PTGR3: variants seen among roughly 807,000 people sequenced by gnomAD.
PTGR3 encodes zinc binding alcohol dehydrogenase domain containing 2.
chr18:75,206,293 G>A, the PTGR3 span, among the ~76,000 whole-genome samples: 1 of 152,098 alleles, frequency 6.6e-6, no homozygotes, highest in South Asian at 2.1e-4. Context: ...TGTATTTTGT[G>A]CTAAGATGCA....
chr18:75,208,104 A>G, the PTGR3 span, among the ~76,000 whole-genome samples: 2 of 152,090 alleles, frequency 1.3e-5, no homozygotes, highest in East Asian at 3.9e-4. Context: ...GACGGTGGGG[A>G]GCGCGGGGAA....
the PTGR3 span, chr18:75,208,916 G>C: frequency 6.3e-7 from 1 of 1,579,392 alleles, no homozygotes; most frequent in Non-Finnish European, 8.6e-7. Flanking sequence ...CAGGGTGACG[G>C]CCTCGCGGAA....
At chr18:75,208,502 C>T in the PTGR3 span, 1 of 1,045,884 alleles carries the variant, frequency 9.6e-7, no homozygotes, top group East Asian at 7.4e-5. Context: ...TGCGCGCGGG[C>T]GGCCCGGCGG....
the PTGR3 span, chr18:75,205,480 AAAG>A: frequency 2.0e-6 from 2 of 985,520 alleles, no homozygotes; most frequent in Non-Finnish European, 2.4e-6. Context: ...CCCCAGGAAA[AAAG>A]AATAGGACCG....
chr18:75,204,043 C>T, the PTGR3 span, among the ~76,000 whole-genome samples: 1 of 152,240 alleles, frequency 6.6e-6, no homozygotes, highest in African/African-American at 2.4e-5. Context: ...GTGTTCTGTG[C>T]AATCCTTTGC....
At chr18:75,205,350 G>A in the PTGR3 span, 1 of 984,372 alleles carries the variant, frequency 1.0e-6, no homozygotes, top group Non-Finnish European at 1.2e-6. Flanking sequence ...AAGGATTCGC[G>A]CATTTGGAGA....
At chr18:75,198,452 C>T in the PTGR3 span, 3 of 151,988 alleles carry the variant, frequency 2.0e-5, no homozygotes, top group Non-Finnish European at 2.9e-5. Context: ...CAGATGAAAT[C>T]ATATAATGAC....
At chr18:75,201,289 T>C in the PTGR3 span, 2 of 834,826 alleles carry the variant, frequency 2.4e-6, no homozygotes, top group South Asian at 1.9e-5. Flanking sequence ...GACCTATTCA[T>C]TAACACCTTA....
At chr18:75,198,313 G>A in the PTGR3 span, 1 of 152,176 alleles carries the variant, frequency 6.6e-6, no homozygotes, top group African/African-American at 2.4e-5. Context: ...TGTTCCTCAA[G>A]TACATAATGC....
chr18:75,201,819 A>G, the PTGR3 span: 1 of 1,613,978 alleles, frequency 6.2e-7, no homozygotes, highest in East Asian at 2.2e-5. Flanking sequence ...AGATTCATAG[A>G]CCACATCGAC....
the PTGR3 span, chr18:75,197,972 T>G: frequency 2.0e-5 from 3 of 152,232 alleles, no homozygotes; most frequent in Non-Finnish European, 4.4e-5. Context: ...ATACAGTATT[T>G]ATCCCATATG....
the PTGR3 span, chr18:75,208,716 C>T: frequency 1.0e-6 from 1 of 972,062 alleles, no homozygotes; most frequent in Non-Finnish European, 1.3e-6. Context: ...CGGGATCTCG[C>T]AAACTCAGGC....
the PTGR3 span, among the ~76,000 whole-genome samples, chr18:75,206,785 CA>C: frequency 6.6e-6 from 1 of 152,112 alleles, no homozygotes; most frequent in Non-Finnish European, 1.5e-5. Flanking sequence ...GGCGTGTGTG[CA>C]GGGAAAAAAG....
chr18:75,208,886 G>C, the PTGR3 span: 1 of 1,548,924 alleles, frequency 6.5e-7, no homozygotes, highest in South Asian at 1.2e-5. Context: ...CCCGGGGAGC[G>C]GCACCGGGCA....
the PTGR3 span, among the ~76,000 whole-genome samples, chr18:75,207,760 T>C: frequency 6.6e-6 from 1 of 152,232 alleles, no homozygotes; most frequent in Non-Finnish European, 1.5e-5. Flanking sequence ...AATTAAATGC[T>C]GCATCAAGCT....
At chr18:75,204,958 G>C in the PTGR3 span, among the ~76,000 whole-genome samples, 1 of 152,132 alleles carries the variant, frequency 6.6e-6, no homozygotes. Flanking sequence ...TCTCACCCCC[G>C]CTCTCCCGCC....
chr18:75,203,787 G>A, the PTGR3 span, among the ~76,000 whole-genome samples: 1 of 152,094 alleles, frequency 6.6e-6, no homozygotes, highest in Non-Finnish European at 1.5e-5. Flanking sequence ...AGAAGGGAAA[G>A]AACCTGCCAT....
At chr18:75,209,129 G>C in the PTGR3 span, 23 of 1,288,922 alleles carry the variant, frequency 1.8e-5, no homozygotes, top group Middle Eastern at 3.0e-4. This position sits in a 1 kb window ranked among gnomAD's most constrained non-coding sequence, Gnocchi z 4.7. Flanking sequence ...CGCTCGGCTC[G>C]GCTGTGCTCT....
At chr18:75,201,607 C>CT in the PTGR3 span, 1 of 1,614,194 alleles carries the variant, frequency 6.2e-7, no homozygotes, top group Non-Finnish European at 8.5e-7. Flanking sequence ...TGGCTCATGG[C>CT]TGCTTGATAC....
Sources: allele counts gnomAD v4.1 joint callset (sites outside exome capture counted in the v4.1 genomes callset), GRCh38; gene constraint gnomAD v4.1.1; non-coding constraint Gnocchi (gnomAD v3.1); transcripts MANE v1.5; gene names NCBI Gene and HGNC (gene_info 2026-07-23, HGNC 2026-07-21).